Variants in GPM6A observed in about 807,000 individuals in gnomAD.
GPM6A encodes the protein neuronal membrane glycoprotein M6-a.
In GPM6A, 7 loss-of-function variants were observed where a neutral mutation model predicts 32.1. The ratio of observed to expected loss-of-function variants is 0.22; its 90% confidence interval spans 0.12 to 0.41. The LOEUF (loss-of-function observed/expected upper bound fraction) is 0.41, where lower values mean the gene tolerates loss of function less well. Ranked by LOEUF, GPM6A falls within the 10% of genes least tolerant of loss-of-function variation. The pLI, the probability that GPM6A is intolerant of heterozygous loss-of-function variation, is 1.00. For synonymous variants in GPM6A, 130 were observed against 123.4 expected (o/e 1.05, Z -0.35); for missense variants, 235 against 347.2 (o/e 0.68, Z 2.57).
rs139836193 is a variant in GPM6A, at chr4:175,641,163, T to C, written c.542-334A>G. On this transcript the variant is annotated intron_variant, in intron 4 of 6. Transcript: ENST00000393658. ...TAGGCATCACAATTATTTTGTTAACTATGCCCCAGACTGTGCTGAAGTCAG... is the reference window on the plus strand; with the variant it reads ...TAGGCATCACAATTATTTTGTTAACCATGCCCCAGACTGTGCTGAAGTCAG... The C allele has an allele frequency of 1.3e-3, 355 of 277,694 alleles. 6 individuals carry two copies. The East Asian group carries it at 0.026, about 21-fold the overall frequency. The allele number at this position is 277,694 out of a possible 1,614,324, so 17.2% of individuals were successfully genotyped here.
intron 1 of GPM6A, among the ~76,000 whole-genome samples, chr4:175,864,583 T>C (rs1194660209): frequency 2.6e-5 from 4 of 152,212 alleles, no homozygotes; most frequent in Non-Finnish European, 5.9e-5. Context: ...ATATGTTTTC[T>C]ATGGCCAAAC....
chr4:175,677,492 T>TG (rs1007520353), intron 2 of GPM6A, among the ~76,000 whole-genome samples: 47 of 151,810 alleles, frequency 3.1e-4, no homozygotes, highest in African/African-American at 1.0e-3. Flanking sequence ...TACAAATGAA[T>TG]GGGGGGGAAG....
chr4:175,824,912 C>T (rs1735385960), intron 1 of GPM6A, among the ~76,000 whole-genome samples: 1 of 152,086 alleles, frequency 6.6e-6, no homozygotes, highest in East Asian at 1.9e-4. Context: ...TTCACTGTTT[C>T]CAATACATTA....
intron 1 of GPM6A, among the ~76,000 whole-genome samples, chr4:175,849,908 T>C (rs1338888932): frequency 6.6e-6 from 1 of 151,982 alleles, no homozygotes; most frequent in Non-Finnish European, 1.5e-5. Context: ...GAGCAAGATA[T>C]GGTAATGAAA....
At chr4:175,829,828 A>T (rs1199959239) in intron 1 of GPM6A, among the ~76,000 whole-genome samples, 2 of 151,466 alleles carry the variant, frequency 1.3e-5, no homozygotes, top group Non-Finnish European at 2.9e-5. Context: ...ACATTTTGTG[A>T]CCATAAAACT....
At chr4:175,999,684 C>T (rs905104621) in intron 1 of GPM6A, among the ~76,000 whole-genome samples, 8 of 152,090 alleles carry the variant, frequency 5.3e-5, no homozygotes, top group African/African-American at 1.9e-4. Context: ...CATTCATCCC[C>T]AGAACACTAT....
intron 1 of GPM6A, among the ~76,000 whole-genome samples, chr4:175,978,620 T>A (rs574859429): frequency 6.6e-6 from 1 of 152,312 alleles, no homozygotes; most frequent in South Asian, 2.1e-4. Context: ...GAGTCAATGC[T>A]GAAAAAACAA....
rs917659866 is a variant in GPM6A, at chr4:175,944,389, C to A, written c.-23+57920G>T. Among the ~76,000 whole-genome samples the A allele has an allele frequency of 2.6e-5, 4 of 152,074 alleles. No individual in the cohort carries two copies. In the South Asian group the frequency reaches 8.3e-4, roughly 32 times the overall value. Reference sequence around the variant, plus strand: ...AAGCATGAGTGCAAAAGGAAACAGCCCGAGTAAGTCAGGGATAAGCTGCAT... The same window carrying A: ...AAGCATGAGTGCAAAAGGAAACAGCACGAGTAAGTCAGGGATAAGCTGCAT... On this transcript the variant is annotated intron_variant, in intron 1 of 7. Transcript: ENST00000280187.
intron 1 of GPM6A, among the ~76,000 whole-genome samples, chr4:175,838,120 C>G (rs1052550264): frequency 6.7e-6 from 1 of 150,288 alleles, no homozygotes; most frequent in African/African-American, 2.4e-5. Flanking sequence ...CAGACACACA[C>G]ACACACACAC....
At position 175,799,492 on chromosome 4, in the gene GPM6A, T is replaced by C. The variant is rs185854101; in HGVS notation, c.37+12699A>G. ...TGAAGAACAGTTTTGCTAACTTAAC[T>C]TATAAGAATAGAGATTGATATTAGT... On this transcript the variant is annotated intron_variant, in intron 1 of 6. Transcript: ENST00000393658. Among the ~76,000 whole-genome samples, 3 of 152,114 alleles carry C rather than the reference T, an allele frequency of 2.0e-5. No individual in the cohort carries two copies. In the East Asian group the frequency reaches 5.8e-4, roughly 29 times the overall value.
At chr4:175,750,686 C>T (rs1329416176) in intron 1 of GPM6A, among the ~76,000 whole-genome samples, 1 of 151,802 alleles carries the variant, frequency 6.6e-6, no homozygotes, top group East Asian at 1.9e-4. Flanking sequence ...GATTCTCCAG[C>T]CTCAGCCTCC....
At chr4:175,778,208 G>A (rs888171966) in intron 1 of GPM6A, among the ~76,000 whole-genome samples, 6 of 152,148 alleles carry the variant, frequency 3.9e-5, no homozygotes, top group African/African-American at 1.4e-4. Flanking sequence ...TCCTAAGGAA[G>A]GCTGAAGCAT....
chr4:175,764,287 C>T (rs926673508), intron 1 of GPM6A, among the ~76,000 whole-genome samples: 3 of 152,176 alleles, frequency 2.0e-5, no homozygotes, highest in African/African-American at 7.2e-5. Flanking sequence ...TTATGCCTGA[C>T]TTCTTTAATT....
chr4:175,951,354 A>T (rs1426746609), intron 1 of GPM6A, among the ~76,000 whole-genome samples: 2 of 152,210 alleles, frequency 1.3e-5, no homozygotes, highest in Non-Finnish European at 2.9e-5. Flanking sequence ...GATGGAGATA[A>T]AACAGTAAAA....
chr4:175,835,558 A>G (rs1026931603), intron 1 of GPM6A, among the ~76,000 whole-genome samples: 1 of 150,582 alleles, frequency 6.6e-6, no homozygotes, highest in African/African-American at 2.4e-5. Context: ...AGAAGCGCCA[A>G]TATTGACTCC....
intron 1 of GPM6A, among the ~76,000 whole-genome samples, chr4:175,842,673 G>A (rs553433214): frequency 5.5e-4 from 84 of 152,222 alleles, no homozygotes; most frequent in African/African-American, 1.6e-3. Context: ...GTGCTCCAGC[G>A]TGAGTGATTG....
At chr4:175,946,903 G>A (rs1739627132) in intron 1 of GPM6A, among the ~76,000 whole-genome samples, 1 of 152,116 alleles carries the variant, frequency 6.6e-6, no homozygotes, top group African/African-American at 2.4e-5. Flanking sequence ...CACAACTTCT[G>A]CTCAACTTCC....
At position 175,635,740 on chromosome 4, in the gene GPM6A, C is replaced by A. The variant is rs147471538; in HGVS notation, c.685-683G>T. 7.1e-3 allele frequency among the ~76,000 whole-genome samples: 1,080 copies of A among 152,160 alleles called. 19 individuals are homozygous for A. The highest frequency in any genetic ancestry group is 0.024 in the African/African-American group (993 of 41,532). On this transcript the variant is annotated intron_variant, in intron 6 of 6. Transcript: ENST00000393658. ...CTCCTTTATTTGACTTGAGTTTACC[C>A]AGCAATGAGACCGCTTATTTGTTTT...
chr4:175,848,338 G>A (rs574667673), intron 1 of GPM6A, among the ~76,000 whole-genome samples: 1 of 152,078 alleles, frequency 6.6e-6, no homozygotes, highest in African/African-American at 2.4e-5. Context: ...GAAAGTCAAC[G>A]AAATAAAACT....
Sources: allele counts gnomAD v4.1 joint callset (sites outside exome capture counted in the v4.1 genomes callset), GRCh38; gene constraint gnomAD v4.1.1; transcripts MANE v1.5; gene names NCBI Gene and HGNC (gene_info 2026-07-23, HGNC 2026-07-21).